Variants in TSPEAR observed in about 807,000 individuals in gnomAD.
TSPEAR encodes thrombospondin type laminin G domain and EAR repeats, also known as thrombospondin-type laminin G domain and EAR repeat-containing protein.
A neutral mutation model predicts 71.6 loss-of-function variants in TSPEAR; 69 were observed. That is an observed-to-expected ratio of 0.96 (90% CI 0.79 to 1.18). The LOEUF is 1.18. Among genes scored for constraint, TSPEAR ranks in the 50% most tolerant of loss-of-function variants. The pLI is 0.00. For missense variants in TSPEAR, 971 were observed against 894.9 expected (o/e 1.09, Z -1.09); for synonymous variants, 402 against 387.2 (o/e 1.04, Z -0.45).
At chr21:44,708,882 G>A (rs1400657875) in intron 1 of TSPEAR, among the ~76,000 whole-genome samples, 1 of 152,246 alleles carries the variant, frequency 6.6e-6, no homozygotes, top group Non-Finnish European at 1.5e-5. Flanking sequence ...CCGGGTGGGG[G>A]CACGGCCTTT....
chr21:44,551,676 C>T (rs1305619452), intron 2 of TSPEAR, among the ~76,000 whole-genome samples: 1 of 152,192 alleles, frequency 6.6e-6, no homozygotes, highest in East Asian at 1.9e-4. Context: ...TTTGCCATGA[C>T]TTGTCCTCAC....
At chr21:44,694,831 G>A (rs1275380006) in intron 1 of TSPEAR, among the ~76,000 whole-genome samples, 5 of 152,222 alleles carry the variant, frequency 3.3e-5, no homozygotes, top group African/African-American at 1.2e-4. Context: ...GAAGTGGGGA[G>A]AAGGCGGCGC....
rs905667591 is a variant in TSPEAR at position 44,591,120 on chromosome 21, G to A, written c.83-23115C>T. 1.0e-5 allele frequency: 6 copies of A among 588,832 alleles called. No homozygotes were observed. In the Admixed American group the frequency reaches 1.2e-4, roughly 12 times the overall value. The allele number at this position is 588,832 out of a possible 1,614,324, so 36.5% of individuals were successfully genotyped here. On this transcript the variant is annotated intron_variant, in intron 1 of 11. Coordinates refer to ENST00000323084, the MANE Select transcript of TSPEAR (RefSeq NM_144991.3). ...AGGACAGAGGTTGGTGTGAGACAGA[G>A]GCGGCTTTATTAGAACTAGAGGGGG...
intron 2 of TSPEAR, among the ~76,000 whole-genome samples, chr21:44,559,970 C>T (rs1482571503): frequency 3.3e-5 from 5 of 152,082 alleles, no homozygotes; most frequent in African/African-American, 1.2e-4. Flanking sequence ...TGTTGGAGGA[C>T]TACCTGGCAA....
intron 2 of TSPEAR, among the ~76,000 whole-genome samples, chr21:44,540,477 A>C (rs2053200610): frequency 6.6e-6 from 1 of 152,128 alleles, no homozygotes; most frequent in Admixed American, 6.5e-5. Context: ...CCACCAGTGC[A>C]GTCCGGGTTG....
In TSPEAR at chr21:44,710,170, C is replaced by A. The variant is rs1988144653; in HGVS notation, c.82+1263G>T. Among the ~76,000 whole-genome samples, 1 of 152,148 alleles carries A rather than the reference C, an allele frequency of 6.6e-6. No homozygotes were observed. Among genetic ancestry groups the A allele is most frequent in the Non-Finnish European group, 1.5e-5 (1 of 68,036 alleles). On this transcript the variant is annotated intron_variant, in intron 1 of 11. Transcript: ENST00000323084. This position sits in a 1 kb window ranked among gnomAD's most constrained non-coding sequence, Gnocchi z 4.6. ...GAAAGGCTGGCGCTGCGCCCTCCAT[C>A]GCGTGAAGCCAGGGGATTTTGCTCT...
At chr21:44,600,560 A>T (rs1555928313) in intron 1 of TSPEAR, 2 of 1,544,352 alleles carry the variant, frequency 1.3e-6, no homozygotes, top group African/African-American at 3.0e-5. Context: ...TAACACACGG[A>T]CTCACTCACT....
intron 10 of TSPEAR, chr21:44,508,733 C>G (rs190020204): frequency 8.0e-7 from 1 of 1,251,612 alleles, no homozygotes; most frequent in African/African-American, 1.5e-5. Flanking sequence ...ACAGGCCAGT[C>G]TCCGTGTCCT....
intron 1 of TSPEAR, among the ~76,000 whole-genome samples, chr21:44,625,568 A>T (rs11910292): frequency 0.14 from 21,843 of 152,234 alleles, 3,020 homozygotes; most frequent in African/African-American, 0.36. Context: ...AAACTTTTCT[A>T]TCCTGTCTGA....
chr21:44,677,456 G>T, intron 1 of TSPEAR: 2 of 863,678 alleles, frequency 2.3e-6, no homozygotes, highest in Non-Finnish European at 3.9e-6. Flanking sequence ...CATCTTCAAA[G>T]CTCTTGGCTA....
chr21:44,558,741 G>T (rs782201613), intron 2 of TSPEAR: 145 of 1,575,604 alleles, frequency 9.2e-5, no homozygotes, highest in Non-Finnish European at 1.2e-4. Flanking sequence ...AGGTGAGCTG[G>T]GGGAGACGTG....
chr21:44,679,965 A>C (rs1371132523), intron 1 of TSPEAR, among the ~76,000 whole-genome samples: 1 of 152,214 alleles, frequency 6.6e-6, no homozygotes, highest in East Asian at 1.9e-4. Flanking sequence ...ATGCTCCAGG[A>C]CATTGGTCTA....
At chr21:44,659,022 G>A (rs1409891366) in intron 1 of TSPEAR, among the ~76,000 whole-genome samples, 9 of 152,250 alleles carry the variant, frequency 5.9e-5, no homozygotes, top group African/African-American at 1.7e-4. Flanking sequence ...CGTCTACCCC[G>A]GGAGGGGTAG....
Position 44,642,994 on chromosome 21 carries a change from G to T in TSPEAR, c.82+68439C>A, listed in dbSNP as rs1195824208. ...CTGCAGCACTATTCACAACAGCAAAGATACGGAAGCAACATAAGTGATCAT... is the reference window on the plus strand; with the variant it reads ...CTGCAGCACTATTCACAACAGCAAATATACGGAAGCAACATAAGTGATCAT... On this transcript the variant is annotated intron_variant, in intron 1 of 11. Transcript: ENST00000323084. The surrounding 1 kb of genome is among the most constrained non-coding windows in gnomAD (Gnocchi z 4.1). Among the ~76,000 whole-genome samples the T allele has an allele frequency of 6.6e-6, 1 of 152,172 alleles. No homozygotes were observed. Among genetic ancestry groups the T allele is most frequent in the Non-Finnish European group, 1.5e-5 (1 of 68,024 alleles).
rs1453612243 is a variant in TSPEAR, at chr21:44,600,559, GACTCACTCACTCATTC to G, written c.83-32570_83-32555del. The G allele has an allele frequency of 1.2e-4, 193 of 1,546,620 alleles. No homozygotes were observed. In the African/African-American group the frequency reaches 2.3e-3, roughly 19 times the overall value. On this transcript the variant is annotated intron_variant, in intron 1 of 11. Transcript: ENST00000323084. ...AACATCCCTGAGCACCTAACACACG[GACTCACTCACTCATTC>G]ACTCACTCACCCACTCACTCCCATC... is the stretch of plus-strand genomic sequence containing the variant.
At chr21:44,693,991 T>G (rs1987223339) in intron 1 of TSPEAR, among the ~76,000 whole-genome samples, 1 of 152,282 alleles carries the variant, frequency 6.6e-6, no homozygotes, top group African/African-American at 2.4e-5. Flanking sequence ...TAAAACCTAC[T>G]GCAAAGCTAC....
At chr21:44,575,602 T>C (rs904035704) in intron 1 of TSPEAR, among the ~76,000 whole-genome samples, 1 of 152,248 alleles carries the variant, frequency 6.6e-6, no homozygotes, top group Non-Finnish European at 1.5e-5. Flanking sequence ...AGTCGTGTCA[T>C]AGTTCTTTTT....
intron 1 of TSPEAR, chr21:44,676,633 T>C: frequency 1.3e-6 from 1 of 762,752 alleles, no homozygotes; most frequent in Middle Eastern, 2.3e-4. Context: ...CTTCAATTCC[T>C]GTTCTTGAAC....
chr21:44,509,354 C>G lies in TSPEAR; in HGVS notation c.1599G>C (p.Gln533His). Reference protein sequence around the residue: ...TFGAADWEVFQIGERIFLAVA... With the variant: ...TFGAADWEVFHIGERIFLAVA... ...CAGCGAGGAAGATCCTCTCCCCGAT[C>G]TGGAAGACCTCCCAGTCTGCAGCAC... is the stretch of plus-strand genomic sequence containing the variant. Residue 533 changes from glutamine (Q) to histidine (H), a missense_variant, in exon 10 of 12, where the codon CAG becomes CAC. Transcript: ENST00000323084. 1.2e-6 allele frequency: 2 copies of G among 1,613,824 alleles called. No individual in the cohort carries two copies. The highest frequency in any genetic ancestry group is 8.5e-7 in the Non-Finnish European group (1 of 1,179,960).
Sources: allele counts gnomAD v4.1 joint callset (sites outside exome capture counted in the v4.1 genomes callset), GRCh38; gene constraint gnomAD v4.1.1; non-coding constraint Gnocchi (gnomAD v3.1); transcripts MANE v1.5; gene names NCBI Gene and HGNC (gene_info 2026-07-23, HGNC 2026-07-21).